Variants in ACMSD observed in about 807,000 individuals in gnomAD.
ACMSD encodes aminocarboxymuconate semialdehyde decarboxylase.
A neutral mutation model predicts 45.9 loss-of-function variants in ACMSD; 37 were observed. The observed-to-expected ratio is 0.81, with a 90% CI of 0.62 to 1.06. The LOEUF is 1.06. Ranked by LOEUF, ACMSD falls within the 50% of genes least tolerant of loss-of-function variation. ACMSD has a pLI of 0.00. For missense variants in ACMSD, 434 were observed against 420.9 expected (o/e 1.03, Z -0.27); for synonymous variants, 138 against 148.8 (o/e 0.93, Z 0.53).
At chr2:134,862,041 T>G in intron 4 of ACMSD, 23 bp downstream of exon 4, 1 of 1,614,068 alleles carries the variant, frequency 6.2e-7, no homozygotes, top group Non-Finnish European at 8.5e-7. Flanking sequence ...CCTCAAGCCA[T>G]CTCCTTGGTG....
chr2:134,868,679 T>C (rs1248785708), intron 6 of ACMSD, among the ~76,000 whole-genome samples: 4 of 151,904 alleles, frequency 2.6e-5, no homozygotes, highest in Non-Finnish European at 5.9e-5. Flanking sequence ...TCTCAAATTC[T>C]TGGCCTCAAG....
chr2:134,870,077 A>T (rs1239641218), intron 6 of ACMSD, among the ~76,000 whole-genome samples: 3 of 152,212 alleles, frequency 2.0e-5, no homozygotes, highest in Non-Finnish European at 4.4e-5. Flanking sequence ...CAGAATGAGC[A>T]TCCTGTGAAG....
chr2:134,887,307 T>A (rs1031850403), intron 8 of ACMSD, among the ~76,000 whole-genome samples: 46 of 152,218 alleles, frequency 3.0e-4, no homozygotes, highest in Middle Eastern at 3.2e-3. Context: ...CAAGGGTTAC[T>A]ACAGAACAAC....
chr2:134,891,107 T>C (rs1340628253), intron 8 of ACMSD, among the ~76,000 whole-genome samples: 1 of 152,134 alleles, frequency 6.6e-6, no homozygotes, highest in Non-Finnish European at 1.5e-5. Flanking sequence ...CTGGTAATTA[T>C]TTCTTTTGCT....
chr2:134,869,064 G>T (rs1389009907), intron 6 of ACMSD: 1 of 152,090 alleles, frequency 6.6e-6, no homozygotes. Context: ...AAAGTATTTA[G>T]TAAGGAGGCT....
Position 134,867,413 on chromosome 2 carries a change from T to C in ACMSD, c.487-166T>C, listed in dbSNP as rs942181924. ...TTTTATTTTCTAAGCAGGAGAAGTT[T>C]GTCAATATCTCTTCTATATAGATCA... On this transcript the variant is annotated intron_variant, in intron 5 of 9. Coordinates refer to ENST00000356140, the MANE Select transcript of ACMSD (RefSeq NM_138326.3). The C allele has an allele frequency of 1.2e-5, 5 of 404,754 alleles. No individual in the cohort carries two copies. In the East Asian group the frequency reaches 1.8e-4, roughly 15 times the overall value. 25.1% of individuals were successfully genotyped at this position (404,754 alleles called of 1,614,324 possible).
intron 5 of ACMSD, among the ~76,000 whole-genome samples, chr2:134,864,480 TTC>T (rs1167573583): frequency 6.6e-6 from 1 of 152,152 alleles, no homozygotes; most frequent in Non-Finnish European, 1.5e-5. Context: ...GAACCTGAAA[TTC>T]TGTTACACAT....
chr2:134,892,686 G>A (rs1689866691), intron 8 of ACMSD, among the ~76,000 whole-genome samples: 1 of 152,058 alleles, frequency 6.6e-6, no homozygotes, highest in Non-Finnish European at 1.5e-5. Flanking sequence ...GTCTCCAGGG[G>A]ACAAGTAGGA....
Position 134,840,186 on chromosome 2 carries a change from AAAAAAAAC to A in ACMSD, c.57+1448_57+1455del, listed in dbSNP as rs1278610567. ...ACCTAGCAAAAAAAAAAAAAAAAAA[AAAAAAAAC>A]CACTAATTCCTCTGTTACAGCTTTT... On this transcript the variant is annotated intron_variant, in intron 1 of 9. Coordinates refer to ENST00000356140, the MANE Select transcript of ACMSD (RefSeq NM_138326.3). 2.7e-3 allele frequency among the ~76,000 whole-genome samples: 376 copies of A among 137,042 alleles called. 39 individuals are homozygous for A. The highest frequency in any genetic ancestry group is 0.015 in the East Asian group (50 of 3,364). 89.9% of individuals were successfully genotyped at this position (137,042 alleles called of 152,430 possible).
rs778651133 is a variant in ACMSD, at chr2:134,859,293, C to T, written c.135C>T (p.Val45=). ...CAAAGTTGTTGAAAGATGGGAAAGT[C>T]TTCAGAGTGGTGCGAGAGAATTGCT... ...GEAKLLKDGK[V]FRVVRENCWD... The change falls in exon 3 of 10, where the codon GTC becomes GTT. Residue 45 remains valine, a synonymous_variant. Transcript: ENST00000356140. 4 of 1,614,058 alleles carry T rather than the reference C, an allele frequency of 2.5e-6. No individual in the cohort carries two copies. Among genetic ancestry groups the T allele is most frequent in the Non-Finnish European group, 3.4e-6 (4 of 1,180,012 alleles).
intron 8 of ACMSD, among the ~76,000 whole-genome samples, chr2:134,875,041 C>T (rs1028517237): frequency 1.3e-5 from 2 of 152,180 alleles, no homozygotes; most frequent in African/African-American, 4.8e-5. Context: ...CACTCTGTTA[C>T]CCAGGCTGGA....
chr2:134,862,718 A>G (rs1307815830), intron 4 of ACMSD, among the ~76,000 whole-genome samples: 1 of 152,242 alleles, frequency 6.6e-6, no homozygotes. Flanking sequence ...AAGTGCCCTG[A>G]GACCTCAAAA....
At chr2:134,881,163 G>A (rs1271628801) in intron 8 of ACMSD, among the ~76,000 whole-genome samples, 3 of 152,156 alleles carry the variant, frequency 2.0e-5, no homozygotes, top group Non-Finnish European at 2.9e-5. Flanking sequence ...AGAACACCTG[G>A]CTAATTTTTG....
At position 134,863,606 on chromosome 2, in the gene ACMSD, C is replaced by T. The variant is rs779680562; in HGVS notation, c.461C>T (p.Ala154Val). The T allele has an allele frequency of 1.3e-5, 21 of 1,614,184 alleles. No individual in the cohort carries two copies. Among genetic ancestry groups the T allele is most frequent in the Admixed American group, 5.0e-5 (3 of 60,036 alleles). The change falls in exon 5 of 10, where the codon GCG becomes GTG. Residue 154 changes from alanine (A) to valine (V), a missense_variant. Coordinates refer to ENST00000356140, the MANE Select transcript of ACMSD (RefSeq NM_138326.3). ...CACGTCAACGAGTGGGACCTGAACGCGCAGGAGCTCTTTCCTGTCTATGCG... is the reference window on the plus strand; with the variant it reads ...CACGTCAACGAGTGGGACCTGAACGTGCAGGAGCTCTTTCCTGTCTATGCG... Reference protein sequence around the residue: ...GTHVNEWDLNAQELFPVYAAA... With the variant: ...GTHVNEWDLNVQELFPVYAAA...
chr2:134,884,022 T>A (rs2104921916), intron 8 of ACMSD, among the ~76,000 whole-genome samples: 1 of 152,364 alleles, frequency 6.6e-6, no homozygotes, highest in Admixed American at 6.5e-5. Context: ...GCGAAATTAC[T>A]GACAAGTCAG....
At chr2:134,873,463 C>G (rs887775033) in intron 8 of ACMSD, 2 of 152,020 alleles carry the variant, frequency 1.3e-5, no homozygotes, top group African/African-American at 4.8e-5. Flanking sequence ...CCACATTTTC[C>G]CAAGGGAAAA....
At chr2:134,873,058 C>T (rs1272492983) in intron 8 of ACMSD, 1 of 191,444 alleles carries the variant, frequency 5.2e-6, no homozygotes, top group East Asian at 1.1e-4. Flanking sequence ...ATTGTGAATA[C>T]AACTGTCCTC....
At chr2:134,843,595 A>G (rs1270262778) in intron 1 of ACMSD, among the ~76,000 whole-genome samples, 1 of 152,012 alleles carries the variant, frequency 6.6e-6, no homozygotes, top group Non-Finnish European at 1.5e-5. Flanking sequence ...ACTTCCCTGC[A>G]CCACAGCATG....
intron 6 of ACMSD, among the ~76,000 whole-genome samples, chr2:134,868,749 G>A (rs1253165213): frequency 7.9e-5 from 12 of 151,902 alleles, no homozygotes; most frequent in East Asian, 7.8e-4. Context: ...CACTGCACCC[G>A]GCCTGGATTT....
Sources: gnomAD v4.1 joint callset for allele counts (sites outside exome capture counted in the v4.1 genomes callset) on GRCh38, gnomAD v4.1.1 for gene constraint, MANE v1.5 for transcripts, NCBI Gene and HGNC (gene_info 2026-07-23, HGNC 2026-07-21) for gene names.